Variants in PTPRT observed in about 807,000 individuals in gnomAD.
PTPRT encodes the protein receptor-type tyrosine-protein phosphatase T.
A neutral mutation model predicts 176.8 loss-of-function variants in PTPRT; 56 were observed. The observed-to-expected ratio is 0.32, with a 90% CI of 0.26 to 0.40. The LOEUF (loss-of-function observed/expected upper bound fraction) is 0.40, where lower values mean the gene tolerates loss of function less well. Ranked by LOEUF, PTPRT falls within the 10% of genes least tolerant of loss-of-function variation. The pLI, the probability that PTPRT is intolerant of heterozygous loss-of-function variation, is 1.00. For missense variants in PTPRT, 1,540 were observed against 1,908.2 expected (o/e 0.81, Z 3.60); for synonymous variants, 783 against 739.0 (o/e 1.06, Z -0.96).
chr20:42,455,213 T>C (rs1394775331), intron 8 of PTPRT, among the ~76,000 whole-genome samples: 1 of 152,138 alleles, frequency 6.6e-6, no homozygotes, highest in Admixed American at 6.5e-5. Flanking sequence ...AATACTAAGC[T>C]CCTTCTTTTT....
chr20:43,131,989 G>T (rs1568803643), intron 1 of PTPRT, among the ~76,000 whole-genome samples: 1 of 151,806 alleles, frequency 6.6e-6, no homozygotes. Context: ...TAGAACTCTT[G>T]CTTAACTCAA....
chr20:43,146,519 T>C (rs16987821), intron 1 of PTPRT, among the ~76,000 whole-genome samples: 1,944 of 151,236 alleles, frequency 0.013, 17 homozygotes, highest in East Asian at 0.045. Flanking sequence ...CAAACACTAG[T>C]GGATGTCACG....
intron 5 of PTPRT, 21 bp from the exon 6 acceptor site, chr20:42,756,657 G>C: frequency 6.5e-7 from 1 of 1,538,118 alleles, no homozygotes. Flanking sequence ...GAGGAAGAGA[G>C]GGAGAGGAGG....
intron 5 of PTPRT, among the ~76,000 whole-genome samples, chr20:42,768,729 T>G (rs1400777959): frequency 6.6e-6 from 1 of 152,240 alleles, no homozygotes; most frequent in South Asian, 2.1e-4. Context: ...TTGTCATGTT[T>G]TATGTCCCAT....
At chr20:42,274,231 T>C (rs2056986885) in intron 13 of PTPRT, among the ~76,000 whole-genome samples, 1 of 152,226 alleles carries the variant, frequency 6.6e-6, no homozygotes, top group Non-Finnish European at 1.5e-5. Flanking sequence ...GGAAGTGGCA[T>C]GAGTCATTTC....
intron 9 of PTPRT, among the ~76,000 whole-genome samples, chr20:42,427,422 T>C (rs2059174650): frequency 6.6e-6 from 1 of 152,314 alleles, no homozygotes; most frequent in South Asian, 2.1e-4. Flanking sequence ...ACAACAGCAA[T>C]TTATTGCTCA....
intron 2 of PTPRT, among the ~76,000 whole-genome samples, chr20:42,824,421 C>G (rs1047415287): frequency 2.6e-5 from 4 of 151,836 alleles, no homozygotes; most frequent in Non-Finnish European, 5.9e-5. Flanking sequence ...GACATAAAAA[C>G]AGACAGGCTA....
At chr20:42,744,731 T>A (rs566117322) in intron 6 of PTPRT, among the ~76,000 whole-genome samples, 1 of 152,332 alleles carries the variant, frequency 6.6e-6, no homozygotes, top group African/African-American at 2.4e-5. Flanking sequence ...GCGTGTTCAA[T>A]CTTTTGACTC....
rs1009986650 is a variant in PTPRT at position 42,398,035 on chromosome 20, A to G, written c.1561-45750T>C. 2.2e-4 allele frequency among the ~76,000 whole-genome samples: 34 copies of G among 152,182 alleles called. 1 individual carries two copies. Among genetic ancestry groups the G allele is most frequent in the African/African-American group, 8.2e-4 (34 of 41,438 alleles). On this transcript the variant is annotated intron_variant, in intron 9 of 30. Transcript: ENST00000373187. ...ATTTGAGGAAACTGAGGCTTGAAAA[A>G]TGTAGTTAACATACTTTGTATTAAA...
intron 15 of PTPRT, among the ~76,000 whole-genome samples, chr20:42,210,692 A>G (rs867028083): frequency 0.019 from 2,962 of 151,912 alleles, 97 homozygotes; most frequent in African/African-American, 0.067. Context: ...GGTAGGAAGA[A>G]TCAATATCGT....
chr20:42,211,143 G>A (rs1431611356), intron 15 of PTPRT, among the ~76,000 whole-genome samples: 2 of 151,952 alleles, frequency 1.3e-5, no homozygotes, highest in African/African-American at 2.4e-5. Context: ...ACAAAAATCA[G>A]TTCAAGATGG....
At chr20:42,284,698 T>C (rs2057199233) in intron 12 of PTPRT, among the ~76,000 whole-genome samples, 1 of 152,056 alleles carries the variant, frequency 6.6e-6, no homozygotes, top group Admixed American at 6.6e-5. Context: ...CTCCAATCAG[T>C]GCAAAGACTG....
intron 2 of PTPRT, among the ~76,000 whole-genome samples, chr20:42,816,240 T>C (rs1600781163): frequency 6.6e-6 from 1 of 152,038 alleles, no homozygotes; most frequent in Admixed American, 6.6e-5. Context: ...AAGTAAGTAG[T>C]GGGGTGTAAG....
At chr20:42,386,457 A>G (rs929694269) in intron 9 of PTPRT, among the ~76,000 whole-genome samples, 7 of 152,198 alleles carry the variant, frequency 4.6e-5, no homozygotes, top group African/African-American at 1.4e-4. Context: ...CTGGCTCTCA[A>G]ATTTTTAGGG....
At chr20:43,087,872 A>G (rs2011661564) in intron 1 of PTPRT, among the ~76,000 whole-genome samples, 1 of 152,142 alleles carries the variant, frequency 6.6e-6, no homozygotes, top group African/African-American at 2.4e-5. Context: ...CACAACACAG[A>G]GGACACTGAA....
the PTPRT span, among the ~76,000 whole-genome samples, chr20:42,040,500 C>G: frequency 3.3e-5 from 5 of 152,102 alleles, no homozygotes; most frequent in Non-Finnish European, 7.4e-5. Context: ...TTAACCTTCT[C>G]TAAAGGTGCT....
At chr20:42,364,184 G>A (rs2058482976) in intron 9 of PTPRT, among the ~76,000 whole-genome samples, 1 of 152,178 alleles carries the variant, frequency 6.6e-6, no homozygotes, top group South Asian at 2.1e-4. Context: ...GCCAAGTCAG[G>A]GATCAGGTTG....
chr20:43,184,417 G>A lies in PTPRT; in HGVS notation c.88+5229C>T, dbSNP rs148322268. Among the ~76,000 whole-genome samples, 10 of 152,236 alleles carry A rather than the reference G, an allele frequency of 6.6e-5. No homozygotes were observed. In the East Asian group the frequency reaches 1.2e-3, roughly 18 times the overall value. On this transcript the variant is annotated intron_variant, in intron 1 of 30. Transcript: ENST00000373187. ...AAATAGGCCCTAATGGGCCGGGTGC[G>A]GTGGCTCACACCTGGAATCCCAGCA... is the stretch of plus-strand genomic sequence containing the variant.
At chr20:42,408,270 A>G (rs1218508144) in intron 9 of PTPRT, among the ~76,000 whole-genome samples, 1 of 152,166 alleles carries the variant, frequency 6.6e-6, no homozygotes, top group Admixed American at 6.5e-5. Flanking sequence ...ATTGTATATT[A>G]TTGGTCCAGA....
Sources: allele counts gnomAD v4.1 joint callset (sites outside exome capture counted in the v4.1 genomes callset), GRCh38; gene constraint gnomAD v4.1.1; transcripts MANE v1.5; gene names NCBI Gene and HGNC (gene_info 2026-07-23, HGNC 2026-07-21).